The following FOCAD variants were observed in gnomAD, a reference collection of about 807,000 sequenced individuals.
FOCAD encodes the protein focadhesin, also known as KIAA1797.
A neutral mutation model predicts 225.6 loss-of-function variants in FOCAD; 198 were observed. The ratio of observed to expected loss-of-function variants is 0.88; its 90% confidence interval spans 0.78 to 0.99. The LOEUF (loss-of-function observed/expected upper bound fraction) is 0.99. FOCAD is among the 50% of genes least tolerant of loss of function. The pLI, the probability that FOCAD is intolerant of heterozygous loss-of-function variation, is 0.00. For synonymous variants in FOCAD, 897 were observed against 755.0 expected (o/e 1.19, Z -3.08); for missense variants, 2,713 against 2,123.6 (o/e 1.28, Z -5.46).
At chr9:20,716,212 C>T (rs769441678) in intron 2 of FOCAD, 28 of 417,076 alleles carry the variant, frequency 6.7e-5, no homozygotes, top group South Asian at 5.3e-4. Flanking sequence ...AGGTCCTTAC[C>T]ATGAAGAAGA....
At chr9:20,747,185 C>T (rs991866222) in intron 5 of FOCAD, among the ~76,000 whole-genome samples, 1 of 152,104 alleles carries the variant, frequency 6.6e-6, no homozygotes, top group African/African-American at 2.4e-5. Context: ...CCCAACTCCA[C>T]CACTCCCTTT....
Position 20,965,456 on chromosome 9 carries a change from G to A in FOCAD, c.4133-10964G>A, listed in dbSNP as rs148141380. 6.9e-3 allele frequency among the ~76,000 whole-genome samples: 1,057 copies of A among 152,146 alleles called. 16 individuals carry two copies. The highest frequency in any genetic ancestry group is 0.023 in the African/African-American group (964 of 41,496). ...TTTTTCTCTTTTTCAGGGGCTGCAT[G>A]GTATCAGTTTCTCTTGTGGTTTCTA... On this transcript the variant is annotated intron_variant, in intron 35 of 43. Transcript: ENST00000338382.
At chr9:20,740,190 A>ATT (rs759433877) in intron 4 of FOCAD, 46 bp from the exon 5 acceptor site, 1 of 1,214,956 alleles carries the variant, frequency 8.2e-7, no homozygotes, top group Admixed American at 1.9e-5. Context: ...TGATTAGAAT[A>ATT]TTCACTTTTT....
chr9:20,671,359 C>G (rs981687643), intron 2 of FOCAD, among the ~76,000 whole-genome samples: 1 of 152,126 alleles, frequency 6.6e-6, no homozygotes, highest in Non-Finnish European at 1.5e-5. Context: ...TTTCACTTCT[C>G]CAATTATTGT....
chr9:20,795,574 A>G (rs552688707), intron 11 of FOCAD, among the ~76,000 whole-genome samples: 1 of 152,150 alleles, frequency 6.6e-6, no homozygotes, highest in South Asian at 2.1e-4. Flanking sequence ...TCACGAGGTC[A>G]GGAGATTGAG....
At chr9:20,772,884 C>G (rs1253788201) in intron 8 of FOCAD, among the ~76,000 whole-genome samples, 1 of 151,258 alleles carries the variant, frequency 6.6e-6, no homozygotes, top group East Asian at 1.9e-4. Flanking sequence ...ACATATGTAT[C>G]TTATGTGTAG....
chr9:20,781,452 G>C (rs188148843), intron 9 of FOCAD, among the ~76,000 whole-genome samples: 2 of 151,464 alleles, frequency 1.3e-5, no homozygotes, highest in East Asian at 3.9e-4. Flanking sequence ...GGATATTAAG[G>C]GCAAATGTTG....
chr9:20,813,444 G>A (rs536315877), intron 11 of FOCAD, among the ~76,000 whole-genome samples: 37 of 152,088 alleles, frequency 2.4e-4, no homozygotes, highest in Non-Finnish European at 1.8e-4. Flanking sequence ...GTTACCCATA[G>A]TGGCCACACC....
rs373142465 is a variant in FOCAD at position 20,869,583 on chromosome 9, T to C, written c.2190+2571T>C. On this transcript the variant is annotated intron_variant, in intron 18 of 43. Coordinates refer to ENST00000338382, the MANE Select transcript of FOCAD (RefSeq NM_001375567.1). Reference sequence around the variant, plus strand: ...GAATGAAACAGTACATTTAAGGTAATGTACTGGATAGATGGTAGAGCTGAA... The same window carrying C: ...GAATGAAACAGTACATTTAAGGTAACGTACTGGATAGATGGTAGAGCTGAA... Among the ~76,000 whole-genome samples the C allele has an allele frequency of 2.1e-4, 32 of 152,196 alleles. No homozygotes were observed. The East Asian group carries it at 3.1e-3, about 15-fold the overall frequency.
rs893947722 is a variant in FOCAD, at chr9:20,923,808, C to A, written c.2961+40C>A. 4 of 1,488,768 alleles carry A rather than the reference C, an allele frequency of 2.7e-6. No individual in the cohort carries two copies. The African/African-American group carries it at 4.2e-5, about 15-fold the overall frequency. The allele number at this position is 1,488,768 out of a possible 1,614,324, so 92.2% of individuals were successfully genotyped here. ...TTTAAACAATTGGCTTTGATTATGT[C>A]TTTTTAAGCCTGGCTTTAGGTAGCC... On this transcript the variant is annotated intron_variant, in intron 25 of 43. Transcript: ENST00000338382.
At chr9:20,969,798 G>C (rs1434729538) in intron 35 of FOCAD, among the ~76,000 whole-genome samples, 1 of 150,556 alleles carries the variant, frequency 6.6e-6, no homozygotes, top group Non-Finnish European at 1.5e-5. Flanking sequence ...TTATTTCTTT[G>C]TATAGCTTCA....
At chr9:20,703,380 C>T (rs1271668848) in intron 1 of FOCAD, among the ~76,000 whole-genome samples, 1 of 152,038 alleles carries the variant, frequency 6.6e-6, no homozygotes, top group African/African-American at 2.4e-5. Flanking sequence ...GGCTGAAGTG[C>T]CCTGACTGAA....
At chr9:20,913,640 C>T (rs1039233046) in intron 23 of FOCAD, among the ~76,000 whole-genome samples, 1 of 152,100 alleles carries the variant, frequency 6.6e-6, no homozygotes, top group South Asian at 2.1e-4. Flanking sequence ...TTTTCATTTA[C>T]TGACAGTTGG....
chr9:20,789,607 A>G lies in FOCAD; in HGVS notation c.1454A>G (p.Gln485Arg), dbSNP rs752938063. The G allele has an allele frequency of 6.2e-7, 1 of 1,613,754 alleles. No individual in the cohort carries two copies. The highest frequency in any genetic ancestry group is 8.5e-7 in the Non-Finnish European group (1 of 1,179,728). The change falls in exon 11 of 44, where the codon CAG (glutamine) becomes CGG (arginine). Residue 485 changes from glutamine to arginine, a missense_variant and splice_region_variant. Coordinates refer to ENST00000338382, the MANE Select transcript of FOCAD (RefSeq NM_001375567.1). Reference protein sequence around the residue: ...TTELAQADSSQVPNLIPVLMF... With the variant: ...TTELAQADSSRVPNLIPVLMF... Reference sequence around the variant, plus strand: ...GAATTAGCCCAAGCAGATTCCTCCCAGGTAAAGCAAGAGAATAATGGAACA... The same window carrying G: ...GAATTAGCCCAAGCAGATTCCTCCCGGGTAAAGCAAGAGAATAATGGAACA...
rs769866679 is a variant in FOCAD, at chr9:20,820,437, T to G, written c.1662+12T>G. 6.3e-7 allele frequency: 1 copy of G among 1,599,816 alleles called. No homozygotes were observed. Among genetic ancestry groups the G allele is most frequent in the Non-Finnish European group, 8.6e-7 (1 of 1,167,948 alleles). On this transcript the variant is annotated intron_variant, in intron 13 of 43. Coordinates refer to ENST00000338382, the MANE Select transcript of FOCAD (RefSeq NM_001375567.1). ...TGTGGGAAAAGCAGGTAATTTCAGA[T>G]ATACACTTGCATGAGTATTAAATAT...
intron 35 of FOCAD, among the ~76,000 whole-genome samples, chr9:20,963,920 C>T (rs931179952): frequency 1.3e-5 from 2 of 152,156 alleles, no homozygotes; most frequent in African/African-American, 2.4e-5. Flanking sequence ...ATAAGCTCCA[C>T]GAGCGCAGGG....
At chr9:20,867,880 G>A (rs774460364) in intron 18 of FOCAD, among the ~76,000 whole-genome samples, 2 of 152,042 alleles carry the variant, frequency 1.3e-5, no homozygotes, top group Non-Finnish European at 2.9e-5. Context: ...TCTGGATTGC[G>A]TTTATACTGA....
intron 2 of FOCAD, among the ~76,000 whole-genome samples, chr9:20,659,235 C>T (rs1449846910): frequency 7.1e-6 from 1 of 141,066 alleles, no homozygotes; most frequent in Non-Finnish European, 1.6e-5. Context: ...CCCCGCCCCA[C>T]ACAAAAAAAT....
In FOCAD at chr9:20,675,970, G is replaced by A. The variant is rs548607398; in HGVS notation, c.-78+17144G>A. 5.3e-5 allele frequency among the ~76,000 whole-genome samples: 8 copies of A among 152,240 alleles called. No individual in the cohort carries two copies. In the South Asian group the frequency reaches 8.3e-4, roughly 16 times the overall value. ...TGAATCGTCTGCGTAGAACAACTAT[G>A]GGCAAATATATTTTCAAAGATGTTG... On this transcript the variant is annotated intron_variant, in intron 2 of 45. Coordinates refer to the FOCAD transcript ENST00000380249.
Sources: allele counts gnomAD v4.1 joint callset (sites outside exome capture counted in the v4.1 genomes callset), GRCh38; gene constraint gnomAD v4.1.1; transcripts MANE v1.5; gene names NCBI Gene and HGNC (gene_info 2026-07-23, HGNC 2026-07-21).